COL24A1: variants seen among roughly 807,000 people sequenced by gnomAD.
The protein encoded by COL24A1 is collagen alpha-1(XXIV) chain.
A neutral mutation model predicts 253.9 loss-of-function variants in COL24A1; 224 were observed. The ratio of observed to expected loss-of-function variants is 0.88; its 90% CI spans 0.79 to 0.99. COL24A1 has a LOEUF of 0.99. Ranked by LOEUF, COL24A1 falls within the 50% of genes least tolerant of loss-of-function variation. COL24A1 has a pLI of 0.00. For missense variants in COL24A1, 2,131 were observed against 2,068.5 expected (o/e 1.03, Z -0.59); for synonymous variants, 685 against 673.7 (o/e 1.02, Z -0.26).
chr1:85,842,941 T>C (rs971680034), intron 39 of COL24A1, among the ~76,000 whole-genome samples: 2 of 152,150 alleles, frequency 1.3e-5, no homozygotes, highest in African/African-American at 4.8e-5. Context: ...GGTGAAACCA[T>C]GTAAGCCAAA....
chr1:85,754,793 A>G (rs1666035855), intron 55 of COL24A1, among the ~76,000 whole-genome samples: 1 of 152,116 alleles, frequency 6.6e-6, no homozygotes, highest in Non-Finnish European at 1.5e-5. Context: ...AGTGGAAAAA[A>G]AAATGAAGAA....
chr1:85,766,192 C>T (rs547308583), intron 53 of COL24A1, among the ~76,000 whole-genome samples: 1 of 151,618 alleles, frequency 6.6e-6, no homozygotes, highest in Admixed American at 6.6e-5. Context: ...ATGGTGAAAT[C>T]CCGTTTCTAC....
chr1:85,875,723 AC>A (rs1215541614), intron 33 of COL24A1, among the ~76,000 whole-genome samples: 5 of 46,092 alleles, frequency 1.1e-4, no homozygotes, highest in Non-Finnish European at 3.0e-4. Context: ...AAAGACACAC[AC>A]ACACACACAC....
chr1:85,731,133 T>C (rs1663429591), intron 59 of COL24A1, among the ~76,000 whole-genome samples: 1 of 152,218 alleles, frequency 6.6e-6, no homozygotes, highest in African/African-American at 2.4e-5. Flanking sequence ...ATCACCTCAG[T>C]CAGAAATAGT....
intron 53 of COL24A1, among the ~76,000 whole-genome samples, chr1:85,773,874 C>A (rs1205984179): frequency 6.6e-6 from 1 of 152,102 alleles, no homozygotes; most frequent in Non-Finnish European, 1.5e-5. Flanking sequence ...CTTTCTCTTG[C>A]CTGATTTCCC....
chr1:85,895,718 T>C (rs1306565011), intron 31 of COL24A1, 140 bp downstream of exon 31: 12 of 691,680 alleles, frequency 1.7e-5, no homozygotes, highest in Non-Finnish European at 2.7e-5. Flanking sequence ...TTTATACATA[T>C]ATCAAAATAT....
intron 24 of COL24A1, among the ~76,000 whole-genome samples, chr1:85,957,935 T>G (rs1426808182): frequency 2.6e-5 from 4 of 152,318 alleles, no homozygotes; most frequent in South Asian, 4.1e-4. Flanking sequence ...ACCTTCTCCC[T>G]TTGCTCATCA....
intron 37 of COL24A1, among the ~76,000 whole-genome samples, chr1:85,857,660 TAA>T (rs139509392): frequency 0.015 from 2,334 of 151,688 alleles, 55 homozygotes; most frequent in African/African-American, 0.053. Context: ...TGGAAAGGAG[TAA>T]AAGAGAGAGG....
intron 19 of COL24A1, among the ~76,000 whole-genome samples, chr1:86,015,547 T>C (rs1696910229): frequency 6.6e-6 from 1 of 152,148 alleles, no homozygotes; most frequent in Admixed American, 6.5e-5. Context: ...GGAGGTAACA[T>C]AGCCATTTCT....
At chr1:86,036,487 G>A (rs1699037168) in intron 12 of COL24A1, among the ~76,000 whole-genome samples, 1 of 151,898 alleles carries the variant, frequency 6.6e-6, no homozygotes, top group Middle Eastern at 3.2e-3. Flanking sequence ...GGCATTATTT[G>A]GCTCCTTATT....
chr1:86,107,193 A>G (rs901331840), intron 5 of COL24A1, among the ~76,000 whole-genome samples: 3 of 152,158 alleles, frequency 2.0e-5, no homozygotes, highest in South Asian at 4.1e-4. Flanking sequence ...AGACATTTCC[A>G]ATTTTGTCTC....
intron 37 of COL24A1, among the ~76,000 whole-genome samples, chr1:85,866,620 A>G (rs1399817153): frequency 1.3e-5 from 2 of 151,920 alleles, no homozygotes; most frequent in African/African-American, 2.4e-5. Context: ...CTAAAAATAT[A>G]AAAATTAGCC....
intron 20 of COL24A1, among the ~76,000 whole-genome samples, chr1:85,976,916 G>C (rs1692741373): frequency 6.6e-6 from 1 of 152,210 alleles, no homozygotes; most frequent in Admixed American, 6.5e-5. Context: ...ACCAGCATTT[G>C]AGAAAGCCAG....
chr1:85,829,256 T>A (rs1312962927), intron 43 of COL24A1, among the ~76,000 whole-genome samples: 1 of 152,008 alleles, frequency 6.6e-6, no homozygotes, highest in Non-Finnish European at 1.5e-5. Context: ...TGGCCCCCAC[T>A]CTCTTCTGGC....
intron 5 of COL24A1, among the ~76,000 whole-genome samples, chr1:86,105,031 C>T (rs528405223): frequency 5.6e-4 from 85 of 152,142 alleles, no homozygotes; most frequent in Non-Finnish European, 1.0e-3. Context: ...GTGTGCCCTC[C>T]GTACATGTTC....
At position 85,823,671 on chromosome 1, in the gene COL24A1, C is replaced by T. The variant is rs780170857; in HGVS notation, c.3735+14G>A. The T allele has an allele frequency of 9.3e-6, 15 of 1,613,398 alleles. No individual in the cohort carries two copies. The African/African-American group carries it at 1.9e-4, about 20-fold the overall frequency. ...TTAATGTTAATTTTTAGAAATAATG[C>T]TTTCAAAACATACTGGGGGTCCTTG... On this transcript the variant is annotated intron_variant, in intron 44 of 59. Coordinates refer to ENST00000370571, the MANE Select transcript of COL24A1 (RefSeq NM_152890.7).
At chr1:85,980,634 T>C (rs607336) in intron 20 of COL24A1, among the ~76,000 whole-genome samples, 105,676 of 152,026 alleles carry the variant, frequency 0.7, 37,017 homozygotes, top group African/African-American at 0.75. Flanking sequence ...CCAAGGCGGG[T>C]GCGGTGGCTC....
At chr1:85,829,037 G>A (rs1402006565) in intron 43 of COL24A1, among the ~76,000 whole-genome samples, 2 of 152,158 alleles carry the variant, frequency 1.3e-5, no homozygotes, top group Non-Finnish European at 2.9e-5. Flanking sequence ...TTTACAATTT[G>A]GCATGTTTTT....
rs538548908 is a variant in COL24A1 at position 85,772,133 on chromosome 1, C to A, written c.4374+3541G>T. Among the ~76,000 whole-genome samples, 205 of 150,920 alleles carry A rather than the reference C, an allele frequency of 1.4e-3. 1 individual carries two copies. In the Middle Eastern group the frequency reaches 0.041, roughly 30 times the overall value. ...GTCCCTACAAAGGACATGAACTCAT[C>A]ATTTTTTATGGCTGCATAGTATTCC... On this transcript the variant is annotated intron_variant, in intron 53 of 59. Transcript: ENST00000370571.
Sources: allele counts gnomAD v4.1 joint callset (sites outside exome capture counted in the v4.1 genomes callset), GRCh38; gene constraint gnomAD v4.1.1; transcripts MANE v1.5; gene names NCBI Gene and HGNC (gene_info 2026-07-23, HGNC 2026-07-21).